Variants in A2ML1 observed in about 807,000 individuals in gnomAD.
The protein encoded by A2ML1 is alpha-2-macroglobulin-like protein 1.
Under a neutral mutation model 181.9 loss-of-function variants are expected in A2ML1, and 161 were observed. That is an observed-to-expected ratio of 0.89 (90% CI 0.78 to 1.01). The LOEUF (loss-of-function observed/expected upper bound fraction) is 1.01. Ranked by LOEUF, A2ML1 falls within the 50% of genes least tolerant of loss-of-function variation. A2ML1 has a pLI of 0.00. For synonymous variants in A2ML1, 663 were observed against 666.8 expected (o/e 0.99, Z 0.09); for missense variants, 1,670 against 1,768.1 (o/e 0.94, Z 1.00).
chr12:8,835,795 T>C (rs979692388), intron 6 of A2ML1, 129 bp downstream of exon 6: 5 of 1,235,978 alleles, frequency 4.0e-6, no homozygotes, highest in African/African-American at 1.5e-5. Flanking sequence ...GGGCAGATCA[T>C]GAGGTCAGGA....
At chr12:8,878,813 ATTAGCCAGGCATGG>A (rs1026788946), downstream of A2ML1, among the ~76,000 whole-genome samples, 5 of 152,010 alleles carry the variant, frequency 3.3e-5, no homozygotes, top group African/African-American at 1.2e-4. This position sits in a 1 kb window ranked among gnomAD's most constrained non-coding sequence, Gnocchi z 4.4. Flanking sequence ...AAATACAAAA[ATTAGCCAGGCATGG>A]TGGCGTGTTC....
intron 18 of A2ML1, 94 bp downstream of exon 18, chr12:8,850,368 T>TGAGACCAGGAGTTC: frequency 1.1e-6 from 1 of 895,160 alleles, no homozygotes; most frequent in Non-Finnish European, 1.6e-6. Context: ...GAGGATCACT[T>TGAGACCAGGAGTTC]GAGACCAGGA....
chr12:8,848,324 T>C (rs952527594), intron 15 of A2ML1, among the ~76,000 whole-genome samples: 17 of 151,144 alleles, frequency 1.1e-4, no homozygotes, highest in Middle Eastern at 6.9e-3. Flanking sequence ...CTACTAAAAA[T>C]ACAAAAATTA....
At chr12:8,885,378 TAAAGAG>T (rs1224026762) in intron 7 of A2ML1, among the ~76,000 whole-genome samples, 136 of 152,036 alleles carry the variant, frequency 8.9e-4, no homozygotes, top group Non-Finnish European at 1.9e-4. Context: ...AAAATCAAAA[TAAAGAG>T]AAAGAAATCT....
intron 4 of A2ML1, among the ~76,000 whole-genome samples, chr12:8,834,251 C>T (rs1294830375): frequency 1.3e-5 from 2 of 152,172 alleles, no homozygotes; most frequent in Non-Finnish European, 2.9e-5. Flanking sequence ...CACAAGCATT[C>T]AGATGGTAAA....
intron 13 of A2ML1, 58 bp downstream of exon 13, chr12:8,845,560 A>G: frequency 1.9e-6 from 3 of 1,595,166 alleles, no homozygotes; most frequent in Non-Finnish European, 2.6e-6. Context: ...CCAGAAAACA[A>G]TTCTTGGCCA....
chr12:8,845,545 A>G, intron 13 of A2ML1, 43 bp downstream of exon 13: 4 of 1,609,670 alleles, frequency 2.5e-6, no homozygotes, highest in Non-Finnish European at 3.4e-6. Context: ...GGATATTTTT[A>G]AATTCCAGAA....
rs1491495913 is a variant in A2ML1 at position 8,868,421 on chromosome 12, CTT to C, written c.4061+65_4061+66del. ...TGGTCATAGGAGCTGAGCTGGGACA[CTT>C]GTGTGTGTGTGTGTCTGTGTATGTG... On this transcript the variant is annotated intron_variant, in intron 31 of 35. Coordinates refer to ENST00000299698, the MANE Select transcript of A2ML1 (RefSeq NM_144670.6). The C allele has an allele frequency of 3.1e-6, 5 of 1,597,506 alleles. No individual in the cohort carries two copies. The Admixed American group carries it at 5.2e-5, about 17-fold the overall frequency.
rs1466413438 is a variant in A2ML1 at position 8,861,192 on chromosome 12, A to G, written c.3397A>G (p.Asn1133Asp). The change falls in exon 28 of 36, where the codon AAC becomes GAC. Residue 1133 changes from asparagine to aspartate, a missense_variant. Coordinates refer to ENST00000299698, the MANE Select transcript of A2ML1 (RefSeq NM_144670.6). ...CAAGAATTCGGCCACCTCCACGACC[A>G]ACCTCTACACACAGGCCCTGTTGGC... is the stretch of plus-strand genomic sequence containing the variant. The part of the protein sequence containing the change: ...CLKNSATSTT[N>D]LYTQALLAYI... 3.1e-6 allele frequency: 5 copies of G among 1,613,830 alleles called. 1 individual carries two copies. The African/African-American group carries it at 6.7e-5, about 22-fold the overall frequency.
At chr12:8,835,415 TTTTACCTGCCTTTTGCTTC>T (rs1194729831) in intron 5 of A2ML1, 73 bp from the exon 6 acceptor site, 12 of 1,546,436 alleles carry the variant, frequency 7.8e-6, no homozygotes, top group Non-Finnish European at 8.8e-6. Flanking sequence ...GGGTGGGGTT[TTTTACCTGCCTTTTGCTTC>T]TTTACCTGCT....
At chr12:8,838,310 A>G (rs758026611) in intron 8 of A2ML1, 26 bp from the exon 9 acceptor site, 23 of 1,528,400 alleles carry the variant, frequency 1.5e-5, no homozygotes, top group Non-Finnish European at 1.8e-5. Context: ...TCTGCTCTCT[A>G]TCTCTGTCTC....
chr12:8,857,758 C>T, intron 25 of A2ML1, 170 bp downstream of exon 25: 1 of 1,101,238 alleles, frequency 9.1e-7, no homozygotes, highest in East Asian at 2.6e-5. Context: ...CCTCGATCTT[C>T]CTGAGCTTGT....
chr12:8,849,735 C>T lies in A2ML1; in HGVS notation c.2095C>T (p.Pro699Ser). 6.2e-7 allele frequency: 1 copy of T among 1,614,178 alleles called. No homozygotes were observed. Among genetic ancestry groups the T allele is most frequent in the Non-Finnish European group, 8.5e-7 (1 of 1,180,028 alleles). ...KKPVDCSHRS[P>S]EYSTAMGAGG... ...GCCAGTAGATTGCAGTCACAGATCT[C>T]CAGAATACAGCACTGCTATGGGTGG... Residue 699 changes from proline to serine, a missense_variant, in exon 17 of 36, where the codon CCA (proline) becomes TCA (serine). Coordinates refer to ENST00000299698, the MANE Select transcript of A2ML1 (RefSeq NM_144670.6).
chr12:8,823,692 C>A (rs375623580), intron 2 of A2ML1, 28 bp from the exon 3 acceptor site: 5 of 1,605,610 alleles, frequency 3.1e-6, no homozygotes, highest in Non-Finnish European at 4.3e-6. Context: ...TCCCTTACCC[C>A]TCCCCAGAAG....
At chr12:8,846,981 C>G (rs1943709006) in intron 14 of A2ML1, among the ~76,000 whole-genome samples, 1 of 151,270 alleles carries the variant, frequency 6.6e-6, no homozygotes, top group Non-Finnish European at 1.5e-5. Context: ...GTTGCCCAGG[C>G]TGGAGTGCAA....
rs77655847 is a variant in A2ML1, at chr12:8,868,198, G to C, written c.3934-32G>C. 133,487 of 1,612,364 alleles carry C rather than the reference G, an allele frequency of 0.083. 6,600 individuals carry two copies. Among genetic ancestry groups the C allele is most frequent in the African/African-American group, 0.18 (13,115 of 74,848 alleles). On this transcript the variant is annotated intron_variant, in intron 30 of 35. Coordinates refer to ENST00000299698, the MANE Select transcript of A2ML1 (RefSeq NM_144670.6). ...GTACAATCTTTAAAGTTCTTTCCAA[G>C]TCTGATTTGGCTACCTATTTCTTCC...
At chr12:8,874,110 G>T (rs1944719175) in intron 33 of A2ML1, among the ~76,000 whole-genome samples, 1 of 152,102 alleles carries the variant, frequency 6.6e-6, no homozygotes, top group Admixed American at 6.6e-5. Flanking sequence ...CTGCCTCCCA[G>T]GTTCAAGCGA....
chr12:8,846,827 A>G (rs1186126981), intron 14 of A2ML1, among the ~76,000 whole-genome samples: 1 of 139,510 alleles, frequency 7.2e-6, no homozygotes. Flanking sequence ...AAAAAAAAAA[A>G]TTAGTTGAGT....
At position 8,822,713 on chromosome 12, in the gene A2ML1, C is replaced by T. The variant is rs771087097; in HGVS notation, c.62C>T (p.Pro21Leu). 16 of 1,613,956 alleles carry T rather than the reference C, an allele frequency of 9.9e-6. 1 individual carries two copies. The highest frequency in any genetic ancestry group is 6.6e-5 in the South Asian group (6 of 91,074). The change falls in exon 1 of 36, where the codon CCA becomes CTA. Residue 21 changes from proline to leucine, a missense_variant and splice_region_variant. Physicochemically the swap from Pro to Leu is moderately conservative, Grantham distance 98. Transcript: ENST00000299698. ...TCACCAGCCATTGCAGAAGAACTTCCGTGAGTGCTTGGTGTCAGAATTGGT... is the reference window on the plus strand; with the variant it reads ...TCACCAGCCATTGCAGAAGAACTTCTGTGAGTGCTTGGTGTCAGAATTGGT... ...ALSPAIAEEL[P>L]NYLVTLPARL...
Sources: gnomAD v4.1 joint callset for allele counts (sites outside exome capture counted in the v4.1 genomes callset) on GRCh38, gnomAD v4.1.1 for gene constraint, Gnocchi (gnomAD v3.1) non-coding constraint, MANE v1.5 for transcripts, NCBI Gene and HGNC (gene_info 2026-07-23, HGNC 2026-07-21) for gene names.